The following EYS variants were observed in gnomAD, a reference collection of about 807,000 sequenced individuals.
The protein encoded by EYS is protein eyes shut homolog.
In EYS, 250 loss-of-function variants were observed where a neutral mutation model predicts 282.1. The observed-to-expected ratio is 0.89, with a 90% confidence interval of 0.80 to 0.98. The LOEUF is 0.98. Among genes scored for constraint, EYS ranks in the 50% least tolerant of loss-of-function variants. The probability of loss-of-function intolerance (pLI) is 0.00; values close to 1 mark genes in which losing one functional copy is unlikely to be tolerated. For missense variants in EYS, 4,016 were observed against 3,709.0 expected (o/e 1.08, Z -2.15); for synonymous variants, 1,355 against 1,282.9 (o/e 1.06, Z -1.20).
intron 26 of EYS, among the ~76,000 whole-genome samples, chr6:64,459,438 T>A (rs1211724872): frequency 1.3e-5 from 2 of 152,210 alleles, no homozygotes; most frequent in Non-Finnish European, 2.9e-5. Context: ...GATATACTTA[T>A]ATTTGAAGGG....
At chr6:65,638,177 A>C (rs1379210773) in intron 2 of EYS, among the ~76,000 whole-genome samples, 2 of 152,134 alleles carry the variant, frequency 1.3e-5, no homozygotes, top group African/African-American at 4.8e-5. Flanking sequence ...GTGGGAAGGA[A>C]CTACCCACTT....
At chr6:64,315,090 G>T (rs1769893916) in intron 29 of EYS, among the ~76,000 whole-genome samples, 1 of 151,832 alleles carries the variant, frequency 6.6e-6, no homozygotes, top group African/African-American at 2.4e-5. Flanking sequence ...TGATAAAGGG[G>T]ATATCACCAC....
At chr6:64,488,860 T>A (rs1449912071) in intron 26 of EYS, among the ~76,000 whole-genome samples, 1 of 150,934 alleles carries the variant, frequency 6.6e-6, no homozygotes, top group African/African-American at 2.4e-5. Flanking sequence ...GAGAATAAAA[T>A]CCAGAGTTGT....
At chr6:65,250,704 A>G (rs1767297530) in intron 12 of EYS, among the ~76,000 whole-genome samples, 4 of 151,990 alleles carry the variant, frequency 2.6e-5, no homozygotes, top group Non-Finnish European at 5.9e-5. Context: ...AACTTCAACA[A>G]TACAGATGAC....
intron 26 of EYS, among the ~76,000 whole-genome samples, chr6:64,503,159 A>T (rs1458061715): frequency 6.6e-6 from 1 of 152,202 alleles, no homozygotes; most frequent in African/African-American, 2.4e-5. Flanking sequence ...TACTTAATTT[A>T]ATAGTCAATA....
intron 12 of EYS, among the ~76,000 whole-genome samples, chr6:65,131,965 T>A (rs1161745630): frequency 6.6e-6 from 1 of 151,894 alleles, no homozygotes; most frequent in African/African-American, 2.4e-5. Flanking sequence ...CTGGAAAACT[T>A]AGAAGAGAGG....
At chr6:64,417,094 A>G (rs1461675121) in intron 28 of EYS, among the ~76,000 whole-genome samples, 1 of 152,176 alleles carries the variant, frequency 6.6e-6, no homozygotes, top group African/African-American at 2.4e-5. Context: ...CCATTACTTC[A>G]TGGTCCTGGA....
At chr6:65,092,410 G>A (rs1403207711) in intron 12 of EYS, among the ~76,000 whole-genome samples, 1 of 152,034 alleles carries the variant, frequency 6.6e-6, no homozygotes, top group South Asian at 2.1e-4. Context: ...ATTTACCAGC[G>A]CCTGAAAATC....
intron 33 of EYS, among the ~76,000 whole-genome samples, chr6:64,013,915 C>T (rs1768763364): frequency 6.6e-6 from 1 of 151,998 alleles, no homozygotes; most frequent in Admixed American, 6.6e-5. Context: ...AAGAATATTA[C>T]CCTAAAACCT....
intron 31 of EYS, among the ~76,000 whole-genome samples, chr6:64,196,703 A>G (rs868366226): frequency 1.4e-5 from 2 of 142,526 alleles, no homozygotes; most frequent in Middle Eastern, 3.6e-3. Flanking sequence ...ATGAGAACAC[A>G]TGGACACAGG....
At chr6:63,849,976 A>C (rs541553051) in intron 36 of EYS, among the ~76,000 whole-genome samples, 1 of 152,336 alleles carries the variant, frequency 6.6e-6, no homozygotes, top group Admixed American at 6.5e-5. Flanking sequence ...TTAGAGAAGA[A>C]CATAAATGAT....
At chr6:65,507,798 G>A (rs1160170876) in intron 2 of EYS, among the ~76,000 whole-genome samples, 1 of 151,792 alleles carries the variant, frequency 6.6e-6, no homozygotes, top group Non-Finnish European at 1.5e-5. Flanking sequence ...TTCTTTCTTA[G>A]AGTCTCCATC....
At chr6:64,874,134 T>TAA (rs961579356) in intron 19 of EYS, among the ~76,000 whole-genome samples, 26 of 152,226 alleles carry the variant, frequency 1.7e-4, no homozygotes, top group African/African-American at 5.8e-4. Flanking sequence ...TTGTTACAGA[T>TAA]AAAAATCATT....
At chr6:64,771,526 C>T (rs896070357) in intron 22 of EYS, among the ~76,000 whole-genome samples, 4 of 151,602 alleles carry the variant, frequency 2.6e-5, no homozygotes, top group African/African-American at 9.7e-5. Flanking sequence ...TTACTGCATA[C>T]ATTTCACATT....
At chr6:64,089,219 G>A (rs1157033869) in intron 31 of EYS, among the ~76,000 whole-genome samples, 1 of 151,264 alleles carries the variant, frequency 6.6e-6, no homozygotes, top group African/African-American at 2.4e-5. Context: ...ATTAAAATCT[G>A]TGATTTAAAT....
chr6:64,100,884 C>T (rs905626345), intron 31 of EYS, among the ~76,000 whole-genome samples: 1 of 152,132 alleles, frequency 6.6e-6, no homozygotes, highest in African/African-American at 2.4e-5. Flanking sequence ...CCCTCCTCCA[C>T]CTGCTCATTG....
At chr6:64,478,194 CTATATTCT>C (rs1166254621) in intron 26 of EYS, among the ~76,000 whole-genome samples, 1 of 152,002 alleles carries the variant, frequency 6.6e-6, no homozygotes, top group Admixed American at 6.6e-5. Context: ...CTCTGATTAG[CTATATTCT>C]TATTACCTTT....
intron 22 of EYS, among the ~76,000 whole-genome samples, chr6:64,689,125 T>A (rs4579337): frequency 0.69 from 104,562 of 152,004 alleles, 37,024 homozygotes; most frequent in Non-Finnish European, 0.78. Context: ...CAGCAAAGTC[T>A]CAGGATACAA....
intron 11 of EYS, among the ~76,000 whole-genome samples, chr6:65,318,211 C>G (rs1324829776): frequency 2.0e-5 from 3 of 151,576 alleles, no homozygotes; most frequent in Non-Finnish European, 4.4e-5. Context: ...CTCCATAGAA[C>G]TGTTCACAAT....
Sources: allele counts gnomAD v4.1 joint callset (sites outside exome capture counted in the v4.1 genomes callset), GRCh38; gene constraint gnomAD v4.1.1; transcripts MANE v1.5; gene names NCBI Gene and HGNC (gene_info 2026-07-23, HGNC 2026-07-21).